The following ERCC6L2 variants were observed in gnomAD, a reference collection of about 807,000 sequenced individuals.
ERCC6L2 encodes the protein ERCC excision repair 6 like 2, also known as DNA excision repair protein ERCC-6-like 2.
In ERCC6L2, 77 loss-of-function variants were observed where a neutral mutation model predicts 132.0. The ratio of observed to expected loss-of-function variants is 0.58; its 90% confidence interval spans 0.49 to 0.71. The LOEUF is 0.71. ERCC6L2 is among the 30% of genes least tolerant of loss of function. The pLI, the probability that ERCC6L2 is intolerant of heterozygous loss-of-function variation, is 0.00. For synonymous variants in ERCC6L2, 583 were observed against 632.4 expected (o/e 0.92, Z 1.17); for missense variants, 1,542 against 1,837.6 (o/e 0.84, Z 2.94).
At chr9:95,927,048 A>T (rs977527712) in intron 9 of ERCC6L2, among the ~76,000 whole-genome samples, 2 of 152,134 alleles carry the variant, frequency 1.3e-5, no homozygotes, top group African/African-American at 4.8e-5. Context: ...TTATTTTATT[A>T]AAAAATGAAC....
chr9:95,939,789 T>G (rs1351657509), intron 11 of ERCC6L2, among the ~76,000 whole-genome samples: 1 of 152,244 alleles, frequency 6.6e-6, no homozygotes, highest in Non-Finnish European at 1.5e-5. Context: ...AACATCTGAT[T>G]CATCTCAGTC....
chr9:95,963,269 A>G (rs547877890), intron 13 of ERCC6L2, among the ~76,000 whole-genome samples: 67 of 151,756 alleles, frequency 4.4e-4, no homozygotes, highest in African/African-American at 9.9e-4. Context: ...CAAATTCCCT[A>G]TTTGCTGACA....
intron 11 of ERCC6L2, among the ~76,000 whole-genome samples, chr9:95,929,440 C>T (rs1830241849): frequency 6.6e-6 from 1 of 152,104 alleles, no homozygotes; most frequent in Non-Finnish European, 1.5e-5. Flanking sequence ...AAGATTAATC[C>T]CATTTTAGGA....
In ERCC6L2 at chr9:95,966,640, G is replaced by A; in HGVS notation, c.2026G>A (p.Gly676Arg). The change falls in exon 14 of 19, where the codon GGA becomes AGA. Residue 676 changes from glycine (G) to arginine (R), a missense_variant. Physicochemically the swap from Gly to Arg is moderately radical, Grantham distance 125 (BLOSUM62 -2). Transcript: ENST00000653738. ...AGTTCAAGGATCTAAAGAGCATCAA[G>A]GAGAGCTTTTTGGGATCCATAACCT... is the stretch of plus-strand genomic sequence containing the variant. Reference protein sequence around the residue: ...EAVQGSKEHQGELFGIHNLFK... With the variant: ...EAVQGSKEHQRELFGIHNLFK... 6.5e-7 allele frequency: 1 copy of A among 1,546,364 alleles called. No homozygotes were observed. The highest frequency in any genetic ancestry group is 8.8e-7 in the Non-Finnish European group (1 of 1,132,428).
downstream of ERCC6L2, chr9:96,021,235 G>A (rs966462696): frequency 8.6e-6 from 3 of 349,986 alleles, no homozygotes; most frequent in African/African-American, 2.2e-5. The surrounding 1 kb of genome is among the most constrained non-coding windows in gnomAD (Gnocchi z 4.7). Context: ...AACTCGAGCT[G>A]GGAGCCGCCC....
Position 96,016,087 on chromosome 9 carries a change from C to T in ERCC6L2, c.*2884C>T, listed in dbSNP as rs1834180303. 6.6e-6 allele frequency among the ~76,000 whole-genome samples: 1 copy of T among 152,152 alleles called. No individual in the cohort carries two copies. On this transcript the variant is annotated 3_prime_UTR_variant, in exon 19 of 19. Transcript: ENST00000653738. Reference sequence around the variant, plus strand: ...TTTGACAAGATCCTTCCTACCCCCACTCCACTGGTGATGTGTCACCAAGTT... The same window carrying T: ...TTTGACAAGATCCTTCCTACCCCCATTCCACTGGTGATGTGTCACCAAGTT...
intron 2 of ERCC6L2, among the ~76,000 whole-genome samples, chr9:95,882,409 A>C (rs1020722626): frequency 2.0e-5 from 3 of 152,198 alleles, no homozygotes; most frequent in Non-Finnish European, 4.4e-5. Flanking sequence ...TAGATTTTCA[A>C]AGAGGTTTGT....
intron 19 of ERCC6L2, among the ~76,000 whole-genome samples, chr9:96,038,563 G>A (rs960784257): frequency 7.2e-5 from 11 of 152,194 alleles, no homozygotes; most frequent in Admixed American, 2.6e-4. Context: ...TCTGGGATTG[G>A]TCTCCCTCAG....
At position 96,013,342 on chromosome 9, in the gene ERCC6L2, CTAAAG is replaced by C; in HGVS notation, c.*142_*146del. On this transcript the variant is annotated 3_prime_UTR_variant, in exon 19 of 19. Transcript: ENST00000653738. ...TTATTGCTTTAGGATTTTTTGAAGTCTAAAGTATTGTCATGGATCTGTTTTTCTTG... is the reference window on the plus strand; with the variant it reads ...TTATTGCTTTAGGATTTTTTGAAGTCTATTGTCATGGATCTGTTTTTCTTG... The C allele has an allele frequency of 1.5e-6, 1 of 656,164 alleles. No homozygotes were observed. Among genetic ancestry groups the C allele is most frequent in the East Asian group, 6.5e-5 (1 of 15,452 alleles). 40.6% of individuals were successfully genotyped at this position (656,164 alleles called of 1,614,324 possible).
intron 17 of ERCC6L2, among the ~76,000 whole-genome samples, chr9:95,992,722 C>T (rs1029831763): frequency 2.0e-5 from 3 of 152,060 alleles, no homozygotes; most frequent in Non-Finnish European, 4.4e-5. Flanking sequence ...ATCAAATCAG[C>T]CTAAGTGGCC....
At chr9:95,888,545 C>T (rs1300955006) in intron 2 of ERCC6L2, among the ~76,000 whole-genome samples, 1 of 152,180 alleles carries the variant, frequency 6.6e-6, no homozygotes, top group Non-Finnish European at 1.5e-5. Context: ...TGTAAACCTT[C>T]ATTGTAAATG....
intron 2 of ERCC6L2, among the ~76,000 whole-genome samples, chr9:95,890,757 T>A (rs1276520374): frequency 6.6e-6 from 1 of 152,108 alleles, no homozygotes. Context: ...AGCCTTGACC[T>A]CCTGGGCTCA....
downstream of ERCC6L2, among the ~76,000 whole-genome samples, chr9:96,022,904 C>T (rs138141426): frequency 1.3e-4 from 20 of 152,272 alleles, no homozygotes; most frequent in African/African-American, 4.3e-4. Context: ...CTGCTCCACC[C>T]TCTCCCTCCC....
rs958658296 is a variant in ERCC6L2 at position 95,895,987 on chromosome 9, A to T, written c.472-1862A>T. Among the ~76,000 whole-genome samples, 10 of 152,138 alleles carry T rather than the reference A, an allele frequency of 6.6e-5. No individual in the cohort carries two copies. In the South Asian group the frequency reaches 1.7e-3, roughly 25 times the overall value. On this transcript the variant is annotated intron_variant, in intron 2 of 18. Coordinates refer to ENST00000653738, the MANE Select transcript of ERCC6L2 (RefSeq NM_020207.7). ...GTGATCCACCCACCTTGGCCTCCCAAAGTGCTGGGATTACAGGCTGTCATA... is the reference window on the plus strand; with the variant it reads ...GTGATCCACCCACCTTGGCCTCCCATAGTGCTGGGATTACAGGCTGTCATA...
At chr9:96,038,545 C>G (rs994080654) in intron 19 of ERCC6L2, among the ~76,000 whole-genome samples, 16 of 152,214 alleles carry the variant, frequency 1.1e-4, no homozygotes, top group Admixed American at 6.5e-5. Context: ...GGCATGAACA[C>G]ATGGCCATCT....
chr9:95,997,188 G>A (rs562625845), intron 17 of ERCC6L2, among the ~76,000 whole-genome samples: 2 of 152,332 alleles, frequency 1.3e-5, no homozygotes, highest in East Asian at 1.9e-4. Context: ...CACCATTTTA[G>A]ATATCATTGA....
chr9:95,986,855 A>G (rs190931700), intron 17 of ERCC6L2, among the ~76,000 whole-genome samples: 55 of 152,148 alleles, frequency 3.6e-4, no homozygotes, highest in African/African-American at 1.3e-3. Context: ...TTAAAGACAC[A>G]CCAGAGACTG....
chr9:96,038,114 G>A (rs561602138), intron 19 of ERCC6L2, among the ~76,000 whole-genome samples: 152 of 152,220 alleles, frequency 1.0e-3, no homozygotes, highest in African/African-American at 3.3e-3. Flanking sequence ...CCTGAAGGGC[G>A]GGTGTGAAGT....
At chr9:95,894,018 ATAT>A (rs552063371) in intron 2 of ERCC6L2, among the ~76,000 whole-genome samples, 4 of 152,286 alleles carry the variant, frequency 2.6e-5, no homozygotes, top group Middle Eastern at 3.4e-3. Flanking sequence ...TAAGTTGAAA[ATAT>A]TATAAGTTGA....
Sources: gnomAD v4.1 joint callset for allele counts (sites outside exome capture counted in the v4.1 genomes callset) on GRCh38, gnomAD v4.1.1 for gene constraint, Gnocchi (gnomAD v3.1) non-coding constraint, MANE v1.5 for transcripts, NCBI Gene and HGNC (gene_info 2026-07-23, HGNC 2026-07-21) for gene names.